The following HPSE2 variants were observed in gnomAD, a reference collection of about 807,000 sequenced individuals.
The protein encoded by HPSE2 is inactive heparanase-2.
Under a neutral mutation model 60.5 loss-of-function variants are expected in HPSE2, and 38 were observed. The ratio of observed to expected loss-of-function variants is 0.63; its 90% CI spans 0.48 to 0.82. The LOEUF (loss-of-function observed/expected upper bound fraction) is 0.82, where lower values mean the gene tolerates loss of function less well. Among genes scored for constraint, HPSE2 ranks in the 40% least tolerant of loss-of-function variants. The pLI is 0.00. For missense variants in HPSE2, 713 were observed against 740.4 expected (o/e 0.96, Z 0.43); for synonymous variants, 295 against 293.2 (o/e 1.01, Z -0.06).
chr10:99,242,716 T>A, the HPSE2 span, among the ~76,000 whole-genome samples: 1 of 152,202 alleles, frequency 6.6e-6, no homozygotes, highest in Admixed American at 6.5e-5. Context: ...AAAATCTAAT[T>A]CCCAATTTAA....
At position 98,943,447 on chromosome 10, in the gene HPSE2, G is replaced by A. The variant is rs145432041; in HGVS notation, c.611-199391C>T. ...CTGCAAAGATCATTTCTGTACCCTTGTGGTAGACAGCCTCCAAGACAGGCC... is the reference window on the plus strand; with the variant it reads ...CTGCAAAGATCATTTCTGTACCCTTATGGTAGACAGCCTCCAAGACAGGCC... On this transcript the variant is annotated intron_variant, in intron 3 of 11. Transcript: ENST00000370552. Among the ~76,000 whole-genome samples the A allele has an allele frequency of 3.9e-3, 598 of 151,966 alleles. 3 individuals carry two copies. Among genetic ancestry groups the A allele is most frequent in the African/African-American group, 0.014 (566 of 41,394 alleles).
At chr10:99,259,982 C>G in the HPSE2 span, among the ~76,000 whole-genome samples, 1 of 152,206 alleles carries the variant, frequency 6.6e-6, no homozygotes, top group African/African-American at 2.4e-5. Context: ...CGTAGAAAAA[C>G]TGTCTTCCAC....
intron 3 of HPSE2, among the ~76,000 whole-genome samples, chr10:98,854,478 A>G (rs1952259761): frequency 6.6e-6 from 1 of 152,220 alleles, no homozygotes; most frequent in African/African-American, 2.4e-5. Flanking sequence ...CATTTAGGAA[A>G]TCAAATGACA....
intron 3 of HPSE2, among the ~76,000 whole-genome samples, chr10:98,789,716 T>C (rs1271468830): frequency 1.3e-5 from 2 of 152,174 alleles, no homozygotes; most frequent in African/African-American, 4.8e-5. Flanking sequence ...TTCTTATAGC[T>C]GGATGGCAAG....
At chr10:99,163,660 G>C (rs758988363) in intron 2 of HPSE2, among the ~76,000 whole-genome samples, 4 of 151,992 alleles carry the variant, frequency 2.6e-5, no homozygotes, top group South Asian at 2.1e-4. Context: ...TTTTCTACTA[G>C]AACTATTTTC....
chr10:98,953,599 C>T (rs1004820650), intron 3 of HPSE2, among the ~76,000 whole-genome samples: 5 of 152,004 alleles, frequency 3.3e-5, no homozygotes, highest in East Asian at 3.9e-4. Flanking sequence ...TCCACATTGA[C>T]GGAGTGGAAG....
At chr10:98,819,533 TC>T (rs1357401623) in intron 3 of HPSE2, among the ~76,000 whole-genome samples, 2 of 151,878 alleles carry the variant, frequency 1.3e-5, no homozygotes, top group Non-Finnish European at 2.9e-5. Flanking sequence ...GTAAGATAAT[TC>T]TTAAAGCTGA....
intron 3 of HPSE2, among the ~76,000 whole-genome samples, chr10:98,890,753 A>G (rs1313564280): frequency 2.6e-5 from 4 of 152,208 alleles, no homozygotes; most frequent in Admixed American, 2.6e-4. Flanking sequence ...AGCCCAGGGC[A>G]TCCTACTAGC....
At chr10:98,942,938 G>A (rs1349095167) in intron 3 of HPSE2, among the ~76,000 whole-genome samples, 1 of 151,602 alleles carries the variant, frequency 6.6e-6, no homozygotes, top group East Asian at 1.9e-4. Flanking sequence ...GTAGGGACAT[G>A]GATGAAATTG....
intron 3 of HPSE2, among the ~76,000 whole-genome samples, chr10:98,900,673 G>A (rs530758886): frequency 1.9e-4 from 29 of 152,214 alleles, no homozygotes; most frequent in East Asian, 3.9e-4. Flanking sequence ...GTACATGTTC[G>A]TCAAAGTAGA....
the HPSE2 span, among the ~76,000 whole-genome samples, chr10:99,305,964 C>CGT: frequency 1.2e-4 from 8 of 64,354 alleles, 1 homozygote; most frequent in Admixed American, 4.6e-4. Flanking sequence ...CACACACACG[C>CGT]GCGCGCGCGC....
chr10:98,512,462 G>C, intron 9 of HPSE2, among the ~76,000 whole-genome samples: 1 of 151,972 alleles, frequency 6.6e-6, no homozygotes, highest in East Asian at 1.9e-4. Flanking sequence ...GCGGGTGCCT[G>C]TAGTCCCAGC....
At chr10:98,921,008 C>T (rs970793170) in intron 3 of HPSE2, among the ~76,000 whole-genome samples, 4 of 152,170 alleles carry the variant, frequency 2.6e-5, no homozygotes, top group African/African-American at 9.7e-5. Context: ...AGTCTGACAT[C>T]ATAGTTAAGT....
chr10:98,931,409 T>C (rs914610614), intron 3 of HPSE2, among the ~76,000 whole-genome samples: 1 of 144,324 alleles, frequency 6.9e-6, no homozygotes, highest in Non-Finnish European at 1.5e-5. Context: ...GCATGATGCC[T>C]CTGGCTTTGT....
chr10:98,552,146 A>G (rs918564155), intron 9 of HPSE2, among the ~76,000 whole-genome samples: 6 of 138,046 alleles, frequency 4.3e-5, no homozygotes, highest in Non-Finnish European at 8.1e-5. Context: ...AAGCATGTTT[A>G]TAGGGGAACA....
chr10:99,175,641 C>T (rs1490689108), intron 2 of HPSE2, among the ~76,000 whole-genome samples: 3 of 152,220 alleles, frequency 2.0e-5, no homozygotes, highest in African/African-American at 4.8e-5. Context: ...ATAGATAAAA[C>T]TCCCATCTCC....
chr10:99,314,316 C>A, the HPSE2 span, among the ~76,000 whole-genome samples: 1 of 152,086 alleles, frequency 6.6e-6, no homozygotes, highest in Non-Finnish European at 1.5e-5. Flanking sequence ...GTGCAGGCCA[C>A]CATGCCCGGC....
chr10:98,827,163 T>A (rs933221843), intron 3 of HPSE2, among the ~76,000 whole-genome samples: 64 of 151,802 alleles, frequency 4.2e-4, no homozygotes, highest in African/African-American at 1.5e-3. Flanking sequence ...AAAAAAAATT[T>A]TTTTTTAAAA....
rs192599095 is a variant in HPSE2, at chr10:98,841,207, G to A, written c.611-97151C>T. On this transcript the variant is annotated intron_variant, in intron 3 of 11. Transcript: ENST00000370552. ...CTGGAGGCGGAGGTTACAGTGAACC[G>A]AGATCACACCACTGCATCCAGCCTG... Among the ~76,000 whole-genome samples the A allele has an allele frequency of 4.1e-3, 626 of 152,022 alleles. 11 individuals are homozygous for A. The highest frequency in any genetic ancestry group is 2.4e-3 in the Non-Finnish European group (160 of 67,952).
Sources: gnomAD v4.1 joint callset for allele counts (sites outside exome capture counted in the v4.1 genomes callset) on GRCh38, gnomAD v4.1.1 for gene constraint, MANE v1.5 for transcripts, NCBI Gene and HGNC (gene_info 2026-07-23, HGNC 2026-07-21) for gene names.